KCNK2: variants seen among roughly 807,000 people sequenced by gnomAD.
KCNK2 encodes the protein potassium two pore domain channel subfamily K member 2, also known as potassium channel subfamily K member 2.
Under a neutral mutation model 40.5 loss-of-function variants are expected in KCNK2, and 21 were observed. That is an observed-to-expected ratio of 0.52 (90% CI 0.37 to 0.75). The LOEUF (loss-of-function observed/expected upper bound fraction) is 0.75, where lower values mean the gene tolerates loss of function less well. Among genes scored for constraint, KCNK2 ranks in the 30% least tolerant of loss-of-function variants. The pLI, the probability that KCNK2 is intolerant of heterozygous loss-of-function variation, is 0.00. For synonymous variants in KCNK2, 191 were observed against 202.2 expected, an observed-to-expected ratio of 0.94 and a Z score of 0.47; for missense variants, 399 against 531.6, an observed-to-expected ratio of 0.75 and a Z score of 2.45.
intron 1 of KCNK2, among the ~76,000 whole-genome samples, chr1:215,031,468 G>A (rs1179865763): frequency 6.6e-6 from 1 of 152,080 alleles, no homozygotes; most frequent in East Asian, 1.9e-4. Context: ...ATATTTTGGG[G>A]TGCTAATATA....
At chr1:215,006,786 T>A (rs1192469344) in intron 1 of KCNK2, among the ~76,000 whole-genome samples, 1 of 151,822 alleles carries the variant, frequency 6.6e-6, no homozygotes, top group Admixed American at 6.6e-5. Context: ...CAGCAGGGTT[T>A]AATTTTATGA....
intron 3 of KCNK2, among the ~76,000 whole-genome samples, chr1:215,140,823 C>T (rs995687051): frequency 6.6e-6 from 1 of 151,994 alleles, no homozygotes. Flanking sequence ...ATATTTTTCT[C>T]TCTTCAATAA....
intron 3 of KCNK2, among the ~76,000 whole-genome samples, chr1:215,128,625 G>C (rs1169016500): frequency 2.0e-5 from 3 of 152,176 alleles, no homozygotes; most frequent in African/African-American, 7.2e-5. Context: ...CTTAAGTGGG[G>C]AAGTTGGATT....
rs138459580 is a variant in KCNK2, at chr1:215,198,917, T to G, written c.963+3825T>G. ...TTTGGCTAATAACCCCAGTCTTATA[T>G]TATTTTTTCAAAAACAAATCTGCTT... On this transcript the variant is annotated intron_variant, in intron 6 of 6. Transcript: ENST00000444842. Among the ~76,000 whole-genome samples the G allele has an allele frequency of 1.9e-3, 282 of 152,340 alleles. 1 individual carries two copies. The highest frequency in any genetic ancestry group is 0.014 in the Middle Eastern group (4 of 294).
At position 215,086,560 on chromosome 1, in the gene KCNK2, T is replaced by C; in HGVS notation, c.239T>C (p.Phe80Ser). 1.2e-6 allele frequency: 2 copies of C among 1,614,182 alleles called. No homozygotes were observed. The highest frequency in any genetic ancestry group is 1.7e-6 in the Non-Finnish European group (2 of 1,180,022). The change falls in exon 2 of 7, where the codon TTC (phenylalanine) becomes TCC (serine). Residue 80 changes from phenylalanine to serine, a missense_variant. By Grantham distance (155) the Phe-to-Ser change is radical. Coordinates refer to ENST00000444842, the MANE Select transcript of KCNK2 (RefSeq NM_001017425.3). ...TATCTGATCATCGGAGCCACCGTGT[T>C]CAAAGCATTGGAGCAGCCTCATGAG... The part of the protein sequence containing the change: ...VLYLIIGATV[F>S]KALEQPHEIS...
intron 3 of KCNK2, among the ~76,000 whole-genome samples, chr1:215,147,487 T>C (rs944809612): frequency 1.5e-4 from 23 of 152,238 alleles, no homozygotes; most frequent in African/African-American, 5.5e-4. Context: ...CTTCAGTGTT[T>C]GATTAGGCTC....
At chr1:215,064,039 G>A (rs1163028305) in intron 1 of KCNK2, among the ~76,000 whole-genome samples, 4 of 152,190 alleles carry the variant, frequency 2.6e-5, no homozygotes, top group Admixed American at 6.5e-5. Context: ...TGTGATGTGT[G>A]TATGAGGGGA....
At position 215,102,891 on chromosome 1, in the gene KCNK2, G is replaced by A. The variant is rs117573116; in HGVS notation, c.357+16213G>A. ...GGTTTGTGGAGGTACACTCTATGAA[G>A]TTCACACAAGGATGAAATTGCTTAA... On this transcript the variant is annotated intron_variant, in intron 2 of 6. Transcript: ENST00000444842. Among the ~76,000 whole-genome samples the A allele has an allele frequency of 7.2e-3, 1,092 of 152,098 alleles. 29 individuals are homozygous for A. The highest frequency in any genetic ancestry group is 0.057 in the East Asian group (293 of 5,176).
intron 6 of KCNK2, among the ~76,000 whole-genome samples, chr1:215,219,445 A>G (rs778192433): frequency 6.6e-5 from 10 of 152,178 alleles, no homozygotes; most frequent in Non-Finnish European, 1.5e-4. Flanking sequence ...TTTAATTATA[A>G]CTATTATGTA....
chr1:215,092,801 C>T (rs1366383429), intron 2 of KCNK2, among the ~76,000 whole-genome samples: 1 of 152,148 alleles, frequency 6.6e-6, no homozygotes, highest in Non-Finnish European at 1.5e-5. Context: ...CTGTTACTAA[C>T]AAGCAATGCT....
intron 1 of KCNK2, among the ~76,000 whole-genome samples, chr1:215,026,706 T>C (rs1657013395): frequency 6.6e-6 from 1 of 152,052 alleles, no homozygotes; most frequent in Non-Finnish European, 1.5e-5. Flanking sequence ...TATTTTAATT[T>C]TAGTTTATTC....
At chr1:215,095,177 AGGCACATAT>A (rs1245394465) in intron 2 of KCNK2, among the ~76,000 whole-genome samples, 2 of 152,250 alleles carry the variant, frequency 1.3e-5, no homozygotes, top group East Asian at 3.9e-4. Flanking sequence ...CACATCCCTT[AGGCACATAT>A]GTAGTAATTC....
At chr1:215,160,375 CAGG>C (rs1663139476) in intron 3 of KCNK2, among the ~76,000 whole-genome samples, 1 of 152,124 alleles carries the variant, frequency 6.6e-6, no homozygotes, top group African/African-American at 2.4e-5. Flanking sequence ...GAAGCATATA[CAGG>C]AGTTCTGTGT....
chr1:215,050,900 G>A (rs1171101146), intron 1 of KCNK2, among the ~76,000 whole-genome samples: 2 of 152,090 alleles, frequency 1.3e-5, no homozygotes, highest in South Asian at 2.1e-4. Flanking sequence ...TACACTATGG[G>A]GAACTGTGGG....
intron 6 of KCNK2, among the ~76,000 whole-genome samples, chr1:215,222,269 T>A (rs1666212035): frequency 1.7e-5 from 2 of 115,724 alleles, no homozygotes; most frequent in African/African-American, 7.1e-5. Context: ...AATGCAATCG[T>A]GTAATTTGGA....
At chr1:215,093,002 G>A (rs1332297010) in intron 2 of KCNK2, among the ~76,000 whole-genome samples, 1 of 152,176 alleles carries the variant, frequency 6.6e-6, no homozygotes, top group South Asian at 2.1e-4. Flanking sequence ...GAGATGTTAA[G>A]TAGGAAGCTG....
chr1:215,171,861 C>T (rs1466433964), intron 4 of KCNK2, 136 bp from the exon 5 acceptor site: 3 of 516,104 alleles, frequency 5.8e-6, no homozygotes, highest in African/African-American at 3.9e-5. Flanking sequence ...CTAATTTGCT[C>T]ATAATAGTGT....
chr1:215,023,537 C>T (rs909577171), intron 1 of KCNK2, among the ~76,000 whole-genome samples: 1 of 152,190 alleles, frequency 6.6e-6, no homozygotes, highest in East Asian at 1.9e-4. Context: ...CACTGGACAA[C>T]AATCATAATC....
intron 2 of KCNK2, among the ~76,000 whole-genome samples, chr1:215,116,528 T>TAACA (rs1660952230): frequency 6.6e-6 from 1 of 152,062 alleles, no homozygotes; most frequent in Non-Finnish European, 1.5e-5. Context: ...TTGTTTCTAC[T>TAACA]AACAGAAAAT....
Sources: allele counts gnomAD v4.1 joint callset (sites outside exome capture counted in the v4.1 genomes callset), GRCh38; gene constraint gnomAD v4.1.1; transcripts MANE v1.5; gene names NCBI Gene and HGNC (gene_info 2026-07-23, HGNC 2026-07-21).